The following PARD3 variants were observed in gnomAD, a reference collection of about 807,000 sequenced individuals.
The protein encoded by PARD3 is partitioning defective 3 homolog.
Under a neutral mutation model 155.4 loss-of-function variants are expected in PARD3, and 75 were observed. The observed-to-expected ratio is 0.48, with a 90% CI of 0.40 to 0.58. The LOEUF is 0.58. Ranked by LOEUF, PARD3 falls within the 20% of genes least tolerant of loss-of-function variation. The pLI is 0.00. For missense variants in PARD3, 1,642 were observed against 1,721.7 expected, an observed-to-expected ratio of 0.95 and a Z score of 0.82; for synonymous variants, 576 against 610.5, an observed-to-expected ratio of 0.94 and a Z score of 0.83.
At chr10:34,212,111 AACTT>A (rs1179826177) in intron 22 of PARD3, among the ~76,000 whole-genome samples, 1 of 150,792 alleles carries the variant, frequency 6.6e-6, no homozygotes. Context: ...TGCATCTACT[AACTT>A]AAGTATGCTC....
At chr10:34,749,933 G>T (rs962474137) in intron 1 of PARD3, among the ~76,000 whole-genome samples, 1 of 151,796 alleles carries the variant, frequency 6.6e-6, no homozygotes, top group African/African-American at 2.4e-5. Flanking sequence ...GAGGTGGGAG[G>T]ATCCCTTGAG....
chr10:34,771,365 C>A (rs1226033661), intron 1 of PARD3, among the ~76,000 whole-genome samples: 1 of 152,162 alleles, frequency 6.6e-6, no homozygotes, highest in African/African-American at 2.4e-5. Context: ...CTATGCCCCC[C>A]ACACAGGATC....
intron 2 of PARD3, among the ~76,000 whole-genome samples, chr10:34,651,823 T>A (rs2093022870): frequency 6.6e-6 from 1 of 152,212 alleles, no homozygotes; most frequent in African/African-American, 2.4e-5. Context: ...ACAATTATTT[T>A]TTCCTAAGAA....
At chr10:34,240,136 C>G in intron 22 of PARD3, among the ~76,000 whole-genome samples, 1 of 152,092 alleles carries the variant, frequency 6.6e-6, no homozygotes, top group South Asian at 2.1e-4. Context: ...GAAACCGAGG[C>G]TTAGAGGTTA....
At position 34,636,382 on chromosome 10, in the gene PARD3, C is replaced by T. The variant is rs192345690; in HGVS notation, c.222+59936G>A. On this transcript the variant is annotated intron_variant, in intron 2 of 24. Transcript: ENST00000374788. ...GGCTCGGGGCTAACACCCCTTTGCT[C>T]GCTGGCCCTTCTGAGGCCAGACACT... Among the ~76,000 whole-genome samples the T allele has an allele frequency of 7.3e-3, 1,106 of 152,294 alleles. 13 individuals carry two copies. The highest frequency in any genetic ancestry group is 0.026 in the African/African-American group (1,061 of 41,558).
At chr10:34,380,830 C>T (rs1841746756) in intron 9 of PARD3, among the ~76,000 whole-genome samples, 1 of 152,084 alleles carries the variant, frequency 6.6e-6, no homozygotes, top group Non-Finnish European at 1.5e-5. Context: ...AAGCAAAATA[C>T]TGTACCTTTG....
chr10:34,706,835 T>G, intron 1 of PARD3, among the ~76,000 whole-genome samples: 1 of 152,136 alleles, frequency 6.6e-6, no homozygotes, highest in Non-Finnish European at 1.5e-5. Flanking sequence ...GGGCCAGGTG[T>G]TGTGGCTCAC....
At chr10:34,435,496 CTTTCATGGTATGAGAAAGG>C (rs2076143731) in intron 5 of PARD3, among the ~76,000 whole-genome samples, 1 of 152,184 alleles carries the variant, frequency 6.6e-6, no homozygotes, top group Admixed American at 6.5e-5. Context: ...TGCCAACAAC[CTTTCATGGTATGAGAAAGG>C]TTACAAATGA....
intron 9 of PARD3, among the ~76,000 whole-genome samples, chr10:34,379,040 C>T (rs917770232): frequency 4.6e-5 from 7 of 151,988 alleles, no homozygotes; most frequent in African/African-American, 1.7e-4. Context: ...ATGATTTCTA[C>T]CTAAGCTTTT....
intron 7 of PARD3, among the ~76,000 whole-genome samples, chr10:34,392,780 A>T (rs1361695480): frequency 6.6e-6 from 1 of 152,138 alleles, no homozygotes; most frequent in Non-Finnish European, 1.5e-5. Flanking sequence ...TTTCTTATCA[A>T]ACAGTAAGTG....
chr10:34,323,958 G>A (rs1055046326), intron 19 of PARD3, among the ~76,000 whole-genome samples: 5 of 152,214 alleles, frequency 3.3e-5, no homozygotes, highest in African/African-American at 1.2e-4. Context: ...CTGACCGAAA[G>A]GGCTGGCTAC....
chr10:34,438,349 T>G (rs1462912768), intron 5 of PARD3, among the ~76,000 whole-genome samples: 1 of 152,198 alleles, frequency 6.6e-6, no homozygotes, highest in Non-Finnish European at 1.5e-5. Flanking sequence ...TTTCTTTTTG[T>G]CATATGCAGA....
At chr10:34,147,560 T>C (rs1338748136) in intron 22 of PARD3, among the ~76,000 whole-genome samples, 4 of 151,852 alleles carry the variant, frequency 2.6e-5, no homozygotes, top group African/African-American at 9.7e-5. Flanking sequence ...ATATATATAG[T>C]AAAATTTTCC....
chr10:34,168,141 T>C (rs1949623169), intron 22 of PARD3, among the ~76,000 whole-genome samples: 1 of 152,232 alleles, frequency 6.6e-6, no homozygotes, highest in East Asian at 1.9e-4. Flanking sequence ...GTATCTGTTG[T>C]TGAAATAGTG....
chr10:34,716,420 G>A (rs548078130), intron 1 of PARD3, among the ~76,000 whole-genome samples: 232 of 152,150 alleles, frequency 1.5e-3, no homozygotes, highest in Non-Finnish European at 2.2e-3. Flanking sequence ...TACACAACTA[G>A]TAATTAAAGT....
intron 1 of PARD3, among the ~76,000 whole-genome samples, chr10:34,800,967 CT>C: frequency 6.6e-6 from 1 of 152,210 alleles, no homozygotes; most frequent in Non-Finnish European, 1.5e-5. Flanking sequence ...AGGGCCAAAA[CT>C]CTTCTGCCTC....
In PARD3 at chr10:34,281,196, G is replaced by A. The variant is rs116859285; in HGVS notation, c.3176+2939C>T. Among the ~76,000 whole-genome samples the A allele has an allele frequency of 1.4e-3, 208 of 152,216 alleles. 5 individuals are homozygous for A. In the East Asian group the frequency reaches 0.036, roughly 27 times the overall value. On this transcript the variant is annotated intron_variant, in intron 21 of 24. Transcript: ENST00000374788. ...AGTTTGGAGCCTAAACCTTTCATGT[G>A]GTGGAAATGAGCCAGTAGAGGCGCT...
chr10:34,176,430 C>T (rs1319353118), intron 22 of PARD3, among the ~76,000 whole-genome samples: 2 of 152,172 alleles, frequency 1.3e-5, no homozygotes, highest in African/African-American at 4.8e-5. Context: ...TGCTTGTTAG[C>T]AGAAAATCCA....
chr10:34,129,700 C>CTTTT lies in PARD3; in HGVS notation c.3540+1759_3540+1762dup, dbSNP rs1209547388. Among the ~76,000 whole-genome samples, 203 of 82,956 alleles carry CTTTT rather than the reference C, an allele frequency of 2.4e-3. 6 individuals carry two copies. Among genetic ancestry groups the CTTTT allele is most frequent in the African/African-American group, 8.2e-3 (178 of 21,620 alleles). The allele number at this position is 82,956 out of a possible 152,430, so 54.4% of individuals were successfully genotyped here. On this transcript the variant is annotated intron_variant, in intron 23 of 24. Transcript: ENST00000374788. ...CCTTTTTTTTTGTAATGTCAAGCCT[C>CTTTT]TTTTTTTTTTTTTTTTTTGAGCCAG...
Sources: gnomAD v4.1 joint callset for allele counts (sites outside exome capture counted in the v4.1 genomes callset) on GRCh38, gnomAD v4.1.1 for gene constraint, MANE v1.5 for transcripts, NCBI Gene and HGNC (gene_info 2026-07-23, HGNC 2026-07-21) for gene names.